Variants in BTG4 observed in about 807,000 individuals in gnomAD.
BTG4 encodes protein BTG4.
BTG4 carries 10 observed loss-of-function variants against 19.3 expected under a neutral mutation model. That is an observed-to-expected ratio of 0.52 (90% CI 0.32 to 0.88). The LOEUF is 0.88. Among genes scored for constraint, BTG4 ranks in the 40% least tolerant of loss-of-function variants. The pLI is 0.04. For synonymous variants in BTG4, 91 were observed against 95.7 expected (o/e 0.95, Z 0.29); for missense variants, 238 against 281.9 (o/e 0.84, Z 1.11).
the BTG4 span, among the ~76,000 whole-genome samples, chr11:111,395,089 C>G: frequency 1.3e-5 from 2 of 152,222 alleles, no homozygotes; most frequent in African/African-American, 4.8e-5. Flanking sequence ...TTTCCTGGAG[C>G]AGAGAGGGCA....
downstream of BTG4, among the ~76,000 whole-genome samples, chr11:111,491,591 A>G (rs925514053): frequency 7.2e-5 from 11 of 152,072 alleles, no homozygotes; most frequent in African/African-American, 2.4e-4. Context: ...TCTACTAAAA[A>G]TCAAAAATTA....
chr11:111,492,598 A>T (rs528882789), downstream of BTG4, among the ~76,000 whole-genome samples: 4 of 152,366 alleles, frequency 2.6e-5, no homozygotes, highest in African/African-American at 9.6e-5. Flanking sequence ...GAACACTGCT[A>T]TATGCCAACA....
chr11:111,475,493 A>C (rs1440872890), intron 5 of BTG4: 1 of 152,144 alleles, frequency 6.6e-6, no homozygotes, highest in Non-Finnish European at 1.5e-5. Context: ...GGTGATCTAG[A>C]ATGTGTACTT....
At chr11:111,467,551 T>A (rs933474658) in exon 6 of BTG4, 2 of 668,202 alleles carry the variant, frequency 3.0e-6, no homozygotes, top group East Asian at 5.2e-5. Flanking sequence ...TTTTTATTCT[T>A]TTCAGGCTCC....
chr11:111,432,152 G>A, the BTG4 span, among the ~76,000 whole-genome samples: 2 of 152,160 alleles, frequency 1.3e-5, no homozygotes, highest in Admixed American at 6.5e-5. Context: ...TAGAGAGAAA[G>A]GAGAAAGCAC....
At chr11:111,430,651 T>TG in the BTG4 span, among the ~76,000 whole-genome samples, 4 of 152,250 alleles carry the variant, frequency 2.6e-5, no homozygotes, top group Non-Finnish European at 5.9e-5. Flanking sequence ...CTTAGGGATT[T>TG]GGGGGGTCCC....
Position 111,498,592 on chromosome 11 carries a change from A to G in BTG4, c.173+12T>C. 6.2e-7 allele frequency: 1 copy of G among 1,607,164 alleles called. No homozygotes were observed. The highest frequency in any genetic ancestry group is 1.3e-5 in the African/African-American group (1 of 74,618). ...ATTGCTTCCCTTTGCCATCCCACAT[A>G]CTAGCTCTCACCTGAAGGCTTGCCC... On this transcript the variant is annotated intron_variant, in intron 2 of 4. Transcript: ENST00000692032.
chr11:111,393,551 C>A, the BTG4 span, among the ~76,000 whole-genome samples: 1 of 152,202 alleles, frequency 6.6e-6, no homozygotes, highest in Non-Finnish European at 1.5e-5. Flanking sequence ...GATGCACCAT[C>A]ATGATTTCCT....
chr11:111,453,705 T>C, the BTG4 span: 1 of 357,022 alleles, frequency 2.8e-6, no homozygotes, highest in Admixed American at 3.6e-5. Flanking sequence ...ATCCACTGAT[T>C]TGCTCAAAAA....
chr11:111,427,702 C>G, the BTG4 span, among the ~76,000 whole-genome samples: 1 of 152,232 alleles, frequency 6.6e-6, no homozygotes, highest in South Asian at 2.1e-4. Flanking sequence ...GAGGGATACT[C>G]TGGCAGCTCG....
chr11:111,463,972 G>C (rs1030352765), downstream of BTG4, among the ~76,000 whole-genome samples: 1 of 152,206 alleles, frequency 6.6e-6, no homozygotes, highest in Non-Finnish European at 1.5e-5. Context: ...GGAGGCCAGA[G>C]AGTGAGAGAG....
Position 111,505,939 on chromosome 11 carries a change from A to G in BTG4, c.-27+6242T>C, listed in dbSNP as rs182115588. 1.8e-4 allele frequency among the ~76,000 whole-genome samples: 27 copies of G among 152,260 alleles called. No individual in the cohort carries two copies. The East Asian group carries it at 4.4e-3, about 25-fold the overall frequency. ...CCACATTGAGATACCATCTCACTCCAGTCAGAATGGCTTTTATTAAAAAGT... is the reference window on the plus strand; with the variant it reads ...CCACATTGAGATACCATCTCACTCCGGTCAGAATGGCTTTTATTAAAAAGT... On this transcript the variant is annotated intron_variant, in intron 1 of 4. Coordinates refer to ENST00000692032, the MANE Select transcript of BTG4 (RefSeq NM_001367975.1).
the BTG4 span, chr11:111,453,451 C>T: frequency 2.2e-6 from 1 of 456,574 alleles, no homozygotes; most frequent in Non-Finnish European, 4.4e-6. Flanking sequence ...GGCTGCTCCC[C>T]ACCCCACCTT....
the BTG4 span, among the ~76,000 whole-genome samples, chr11:111,446,624 A>AACACACACACACAC: frequency 1.6e-3 from 234 of 146,942 alleles, 1 homozygote; most frequent in African/African-American, 5.7e-3. Context: ...GACACCAATA[A>AACACACACACACAC]ACACACACAC....
chr11:111,505,245 CA>C (rs1440994404), intron 1 of BTG4, among the ~76,000 whole-genome samples: 11 of 152,022 alleles, frequency 7.2e-5, no homozygotes, highest in African/African-American at 2.7e-4. Context: ...ACTAAAATCG[CA>C]TGGTACTAGT....
At chr11:111,391,834 G>A in the BTG4 span, among the ~76,000 whole-genome samples, 5 of 152,120 alleles carry the variant, frequency 3.3e-5, no homozygotes, top group African/African-American at 1.2e-4. Context: ...AAGGGTGGGA[G>A]GTTAGAGAGA....
chr11:111,387,385 C>G, the BTG4 span, among the ~76,000 whole-genome samples: 17 of 152,088 alleles, frequency 1.1e-4, 1 homozygote, highest in Middle Eastern at 3.2e-3. Flanking sequence ...TTTTATTGTG[C>G]CTTCAATAAT....
chr11:111,468,886 C>T (rs1035989930), intron 5 of BTG4, among the ~76,000 whole-genome samples: 1 of 152,080 alleles, frequency 6.6e-6, no homozygotes, highest in African/African-American at 2.4e-5. Context: ...AGTTTGAAAA[C>T]CACTGCTTAA....
chr11:111,403,542 T>C, the BTG4 span, among the ~76,000 whole-genome samples: 1 of 152,218 alleles, frequency 6.6e-6, no homozygotes, highest in Non-Finnish European at 1.5e-5. Flanking sequence ...CAAAAGTCCA[T>C]TCAACCAAAA....
Sources: allele counts gnomAD v4.1 joint callset (sites outside exome capture counted in the v4.1 genomes callset), GRCh38; gene constraint gnomAD v4.1.1; transcripts MANE v1.5; gene names NCBI Gene and HGNC (gene_info 2026-07-23, HGNC 2026-07-21).